NTRK3: variants seen among roughly 807,000 people sequenced by gnomAD.
NTRK3 encodes NT-3 growth factor receptor.
In NTRK3, 24 loss-of-function variants were observed where a neutral mutation model predicts 91.7. The ratio of observed to expected loss-of-function variants is 0.26; its 90% CI spans 0.19 to 0.37. The LOEUF (loss-of-function observed/expected upper bound fraction) is 0.37. Ranked by LOEUF, NTRK3 falls within the 10% of genes least tolerant of loss-of-function variation. NTRK3 has a pLI of 1.00. For synonymous variants in NTRK3, 483 were observed against 404.0 expected (o/e 1.20, Z -2.34); for missense variants, 880 against 1,068.9 (o/e 0.82, Z 2.46).
chr15:88,030,324 G>A (rs1351997225), intron 14 of NTRK3, among the ~76,000 whole-genome samples: 1 of 152,168 alleles, frequency 6.6e-6, no homozygotes, highest in Non-Finnish European at 1.5e-5. Context: ...TGCCTAGTGG[G>A]ATGAGTCCTT....
At chr15:88,029,418 G>T (rs1338940704) in intron 14 of NTRK3, among the ~76,000 whole-genome samples, 1 of 152,180 alleles carries the variant, frequency 6.6e-6, no homozygotes, top group Non-Finnish European at 1.5e-5. Flanking sequence ...GAGAAGCAAG[G>T]AGAGGACCAG....
intron 8 of NTRK3, 32 bp from the exon 9 acceptor site, chr15:88,136,072 A>T (rs1391885557): frequency 6.2e-7 from 1 of 1,613,976 alleles, no homozygotes; most frequent in Non-Finnish European, 8.5e-7. Flanking sequence ...TAACAATCAG[A>T]TAGCTTCTAC....
intron 14 of NTRK3, among the ~76,000 whole-genome samples, chr15:87,996,809 T>C (rs1356495421): frequency 6.6e-6 from 1 of 152,224 alleles, no homozygotes; most frequent in Non-Finnish European, 1.5e-5. Flanking sequence ...TTAGAGCCAC[T>C]TTAGACTTGC....
chr15:87,967,018 C>T (rs2072857446), intron 14 of NTRK3, among the ~76,000 whole-genome samples: 1 of 152,186 alleles, frequency 6.6e-6, no homozygotes, highest in Non-Finnish European at 1.5e-5. Flanking sequence ...AGATCACCCC[C>T]AATTGAAAAC....
At chr15:87,861,318 G>A (rs923412996) in exon 19 of NTRK3, 1 of 216,966 alleles carries the variant, frequency 4.6e-6, no homozygotes, top group African/African-American at 2.3e-5. Context: ...ATAATGCACT[G>A]AAGTAGGTAC....
intron 14 of NTRK3, among the ~76,000 whole-genome samples, chr15:88,008,706 G>A (rs74600397): frequency 0.017 from 2,659 of 152,160 alleles, 38 homozygotes; most frequent in Middle Eastern, 0.054. Context: ...ACCAGGGCTC[G>A]GCCCCCAGCG....
At chr15:88,190,267 A>C (rs2047284185) in intron 3 of NTRK3, among the ~76,000 whole-genome samples, 1 of 152,214 alleles carries the variant, frequency 6.6e-6, no homozygotes, top group African/African-American at 2.4e-5. Flanking sequence ...ACTAAATTTA[A>C]ATGCAAAACC....
intron 5 of NTRK3, among the ~76,000 whole-genome samples, chr15:88,155,870 T>G (rs1178108017): frequency 1.3e-5 from 2 of 152,190 alleles, no homozygotes; most frequent in East Asian, 1.9e-4. Context: ...TTTCACATTC[T>G]TTTTTGTACT....
chr15:88,007,346 C>T (rs1190830866), intron 14 of NTRK3, among the ~76,000 whole-genome samples: 3 of 152,174 alleles, frequency 2.0e-5, no homozygotes, highest in African/African-American at 7.2e-5. Flanking sequence ...CAATACCATA[C>T]TGTTGGCTAA....
intron 3 of NTRK3, among the ~76,000 whole-genome samples, chr15:88,197,916 C>T (rs552415509): frequency 1.3e-5 from 2 of 152,284 alleles, no homozygotes; most frequent in East Asian, 3.9e-4. Flanking sequence ...CAGCACTGAG[C>T]TTCACTTTCC....
intron 6 of NTRK3, among the ~76,000 whole-genome samples, chr15:88,139,212 T>A (rs929149254): frequency 9.9e-5 from 15 of 152,174 alleles, no homozygotes; most frequent in Admixed American, 2.6e-4. Context: ...TTGAAGCAAG[T>A]CACCTCCCCT....
chr15:88,003,285 C>G (rs10520671), intron 14 of NTRK3, among the ~76,000 whole-genome samples: 18,970 of 152,156 alleles, frequency 0.12, 1,226 homozygotes, highest in Middle Eastern at 0.18. Context: ...TACTATGAAC[C>G]TGTAGACCTG....
chr15:88,046,379 C>T (rs1218392577), intron 13 of NTRK3, among the ~76,000 whole-genome samples: 1 of 152,136 alleles, frequency 6.6e-6, no homozygotes, highest in East Asian at 1.9e-4. Flanking sequence ...AGAAAAAAGA[C>T]ACAACCTCAG....
chr15:88,244,371 A>G (rs1392478208), intron 3 of NTRK3, among the ~76,000 whole-genome samples: 1 of 152,224 alleles, frequency 6.6e-6, no homozygotes, highest in Non-Finnish European at 1.5e-5. Flanking sequence ...TGAGGCAGAG[A>G]AAAATTAAAT....
At chr15:88,122,381 T>C (rs6496462) in intron 13 of NTRK3, among the ~76,000 whole-genome samples, 44,243 of 151,974 alleles carry the variant, frequency 0.29, 7,034 homozygotes, top group African/African-American at 0.41. Flanking sequence ...GAGAGACAGC[T>C]GACAGAGACA....
At chr15:88,087,312 C>T (rs2048590778) in intron 13 of NTRK3, among the ~76,000 whole-genome samples, 1 of 152,070 alleles carries the variant, frequency 6.6e-6, no homozygotes, top group African/African-American at 2.4e-5. Context: ...TTCTCCCTGC[C>T]CTGTCTTCTG....
At chr15:88,224,585 A>G (rs1286299766) in intron 3 of NTRK3, among the ~76,000 whole-genome samples, 2 of 152,232 alleles carry the variant, frequency 1.3e-5, no homozygotes, top group Admixed American at 6.5e-5. Flanking sequence ...TCATCTCTAT[A>G]AAGTCCATAG....
At position 88,169,387 on chromosome 15, in the gene NTRK3, A is replaced by G. The variant is rs77490856; in HGVS notation, c.395+14031T>C. ...ATTCTGTGATCCTTAGGACACTTGT[A>G]TGTAACAGAGGTTAGGGCCCTTGTG... is the stretch of plus-strand genomic sequence containing the variant. On this transcript the variant is annotated intron_variant, in intron 5 of 18. Coordinates refer to ENST00000394480, the Ensembl canonical transcript of NTRK3. Among the ~76,000 whole-genome samples, 454 of 152,304 alleles carry G rather than the reference A, an allele frequency of 3.0e-3. 7 individuals are homozygous for G. In the East Asian group the frequency reaches 0.034, roughly 11 times the overall value.
In NTRK3 at chr15:88,070,940, C is replaced by G. The variant is rs115498844; in HGVS notation, c.1397-37895G>C. ...AGAAGGAAGATTCCTAGCCCTCTAG[C>G]AGAAAAACAGATAAATAAAGGCTAT... is the stretch of plus-strand genomic sequence containing the variant. On this transcript the variant is annotated intron_variant, in intron 13 of 18. Coordinates refer to ENST00000394480, the Ensembl canonical transcript of NTRK3. Among the ~76,000 whole-genome samples the G allele has an allele frequency of 9.4e-3, 1,428 of 152,174 alleles. 29 individuals carry two copies. Among genetic ancestry groups the G allele is most frequent in the African/African-American group, 0.033 (1,360 of 41,496 alleles).
Sources: gnomAD v4.1 joint callset for allele counts (sites outside exome capture counted in the v4.1 genomes callset) on GRCh38, gnomAD v4.1.1 for gene constraint, MANE v1.5 for transcripts, NCBI Gene and HGNC (gene_info 2026-07-23, HGNC 2026-07-21) for gene names.